Variants in SEMA5A observed in about 807,000 individuals in gnomAD.
SEMA5A encodes the protein semaphorin-5A.
In SEMA5A, 55 loss-of-function variants were observed where a neutral mutation model predicts 135.5. That is an observed-to-expected ratio of 0.41 (90% CI 0.33 to 0.51). The LOEUF (loss-of-function observed/expected upper bound fraction) is 0.51, where lower values mean the gene tolerates loss of function less well. SEMA5A is among the 20% of genes least tolerant of loss of function. The pLI is 0.37. For synonymous variants in SEMA5A, 580 were observed against 546.5 expected (o/e 1.06, Z -0.85); for missense variants, 1,290 against 1,419.9 (o/e 0.91, Z 1.47).
intron 8 of SEMA5A, among the ~76,000 whole-genome samples, chr5:9,202,886 T>C (rs1229955657): frequency 6.6e-6 from 1 of 152,232 alleles, no homozygotes; most frequent in Non-Finnish European, 1.5e-5. Flanking sequence ...TCTGGTTTGC[T>C]GGGTAAACCA....
chr5:9,311,867 T>G (rs902259378), intron 5 of SEMA5A, among the ~76,000 whole-genome samples: 1 of 152,160 alleles, frequency 6.6e-6, no homozygotes, highest in South Asian at 2.1e-4. Context: ...TTAGAAACCA[T>G]AGAGAGGCAG....
chr5:9,199,164 C>A (rs1023208808), intron 9 of SEMA5A, among the ~76,000 whole-genome samples: 2 of 152,148 alleles, frequency 1.3e-5, no homozygotes, highest in Non-Finnish European at 2.9e-5. Context: ...TTTCTCTGTT[C>A]ACTACAACCA....
chr5:9,319,601 C>A (rs1010724651), intron 4 of SEMA5A, among the ~76,000 whole-genome samples: 4 of 151,926 alleles, frequency 2.6e-5, no homozygotes, highest in Non-Finnish European at 4.4e-5. Flanking sequence ...GGGATGTGCA[C>A]CAGCAGCACC....
At position 9,119,093 on chromosome 5, in the gene SEMA5A, G is replaced by T. The variant is rs1740674308; in HGVS notation, c.1830C>A (p.Thr610=). 1 of 1,613,946 alleles carries T rather than the reference G, an allele frequency of 6.2e-7. No individual in the cohort carries two copies. Among genetic ancestry groups the T allele is most frequent in the Non-Finnish European group, 8.5e-7 (1 of 1,179,980 alleles). ...PWTSWSPCST[T]CGIGFQVRQR... ...GCCGCACCTGGAAGCCGATCCCACA[G>T]GTAGTGCTGCAGGGAGACCACGAGG... is the stretch of plus-strand genomic sequence containing the variant. Residue 610 remains threonine (T), a synonymous_variant, in exon 15 of 23, where the codon ACC becomes ACA. Transcript: ENST00000382496.
At chr5:9,292,156 A>G (rs953076563) in intron 5 of SEMA5A, among the ~76,000 whole-genome samples, 13 of 147,914 alleles carry the variant, frequency 8.8e-5, no homozygotes, top group Middle Eastern at 3.4e-3. Context: ...GGACTTATAC[A>G]AGTATTTAAC....
At chr5:9,404,060 C>A (rs985088923) in intron 2 of SEMA5A, among the ~76,000 whole-genome samples, 16 of 152,088 alleles carry the variant, frequency 1.1e-4, no homozygotes, top group Non-Finnish European at 1.9e-4. Flanking sequence ...TCAGTCTCCC[C>A]AGTAGCGGGG....
rs1736756769 is a variant in SEMA5A, at chr5:9,054,164, G to A, written c.2612C>T (p.Pro871Leu). The A allele has an allele frequency of 6.2e-7, 1 of 1,614,014 alleles. No homozygotes were observed. The highest frequency in any genetic ancestry group is 2.2e-5 in the East Asian group (1 of 44,826). ...GATGTCCCCTCCATAGGCCGGGGCT[G>A]GATTGGAGCAAGAGCGGGTCCTCAT... Reference protein sequence around the residue: ...HYMRTRSCSNPAPAYGGDICL... With the variant: ...HYMRTRSCSNLAPAYGGDICL... Residue 871 changes from proline (P) to leucine (L), a missense_variant, in exon 19 of 23, where the codon CCA (proline) becomes CTA (leucine). Around this residue, in one of 3 missense-constraint regions of SEMA5A, gnomAD observed 1,029 missense variants for 1,086.6 expected, o/e 0.95. Coordinates refer to ENST00000382496, the MANE Select transcript of SEMA5A (RefSeq NM_003966.3).
intron 6 of SEMA5A, among the ~76,000 whole-genome samples, chr5:9,230,482 T>G (rs544030356): frequency 9.0e-4 from 137 of 152,190 alleles, no homozygotes; most frequent in African/African-American, 3.1e-3. Flanking sequence ...CAGAATTATT[T>G]CAATTAGGGC....
At chr5:9,523,672 C>T (rs562261209) in intron 1 of SEMA5A, among the ~76,000 whole-genome samples, 1 of 152,172 alleles carries the variant, frequency 6.6e-6, no homozygotes, top group African/African-American at 2.4e-5. Flanking sequence ...AGGAGGCATA[C>T]AGGCATACAA....
chr5:9,081,895 T>C (rs1208260995), intron 16 of SEMA5A, among the ~76,000 whole-genome samples: 1 of 152,186 alleles, frequency 6.6e-6, no homozygotes, highest in African/African-American at 2.4e-5. Context: ...GGTGTTCTAT[T>C]CCTTCCAGGG....
chr5:9,203,557 T>C (rs1745840046), intron 8 of SEMA5A, among the ~76,000 whole-genome samples: 1 of 152,230 alleles, frequency 6.6e-6, no homozygotes. Context: ...TTGACTACTC[T>C]GTTATTCTGT....
chr5:9,349,943 A>G (rs1488008576), intron 3 of SEMA5A, among the ~76,000 whole-genome samples: 1 of 152,040 alleles, frequency 6.6e-6, no homozygotes, highest in Non-Finnish European at 1.5e-5. Context: ...AAAACATGCT[A>G]TCAAAATAAA....
At chr5:9,197,135 G>A (rs1446957903) in intron 10 of SEMA5A, 33 bp downstream of exon 10, 2 of 1,613,220 alleles carry the variant, frequency 1.2e-6, no homozygotes. Flanking sequence ...CATGGGGGAT[G>A]CCAACAGTGC....
At chr5:9,360,244 G>C (rs937282918) in intron 3 of SEMA5A, among the ~76,000 whole-genome samples, 1 of 152,198 alleles carries the variant, frequency 6.6e-6, no homozygotes, top group African/African-American at 2.4e-5. Flanking sequence ...AATGTGTACA[G>C]TGTTCTCCAG....
chr5:9,229,343 G>A (rs984209887), intron 6 of SEMA5A, among the ~76,000 whole-genome samples: 45 of 152,234 alleles, frequency 3.0e-4, no homozygotes, highest in African/African-American at 9.9e-4. Context: ...TTTATTCCTG[G>A]GGAAGGGTCA....
At chr5:9,217,287 AT>A (rs1193338826) in intron 8 of SEMA5A, among the ~76,000 whole-genome samples, 1 of 152,070 alleles carries the variant, frequency 6.6e-6, no homozygotes, top group Non-Finnish European at 1.5e-5. Flanking sequence ...CTTTTTCTTT[AT>A]TTTTAATTTA....
At chr5:9,097,674 A>G (rs528396148) in intron 16 of SEMA5A, among the ~76,000 whole-genome samples, 14 of 152,096 alleles carry the variant, frequency 9.2e-5, no homozygotes, top group South Asian at 6.2e-4. Flanking sequence ...TCAGATTGGG[A>G]TCCTGGGGTG....
chr5:9,056,663 G>A (rs912052679), intron 18 of SEMA5A, among the ~76,000 whole-genome samples: 4 of 152,140 alleles, frequency 2.6e-5, no homozygotes, highest in Middle Eastern at 3.2e-3. Flanking sequence ...CGGAGGTTGC[G>A]GTGAGCTGAG....
Position 9,134,587 on chromosome 5 carries a change from C to G in SEMA5A, c.1599+1917G>C, listed in dbSNP as rs575952963. 7.9e-5 allele frequency among the ~76,000 whole-genome samples: 12 copies of G among 152,332 alleles called. No individual in the cohort carries two copies. In the East Asian group the frequency reaches 2.3e-3, roughly 29 times the overall value. ...GGGAAAGCCCTTCTAGGTTGAGGGTCCCACGGGGACAAGCTGCCTGCTGGG... is the reference window on the plus strand; with the variant it reads ...GGGAAAGCCCTTCTAGGTTGAGGGTGCCACGGGGACAAGCTGCCTGCTGGG... On this transcript the variant is annotated intron_variant, in intron 13 of 22. Coordinates refer to ENST00000382496, the MANE Select transcript of SEMA5A (RefSeq NM_003966.3).
Sources: allele counts gnomAD v4.1 joint callset (sites outside exome capture counted in the v4.1 genomes callset), GRCh38; gene constraint gnomAD v4.1.1; regional missense constraint gnomAD v4.1.1; transcripts MANE v1.5; gene names NCBI Gene and HGNC (gene_info 2026-07-23, HGNC 2026-07-21).